Variants in SFI1 observed in about 807,000 individuals in gnomAD.
SFI1 encodes the protein SFI1 centrin binding protein.
A neutral mutation model predicts 207.5 loss-of-function variants in SFI1; 195 were observed. That is an observed-to-expected ratio of 0.94 (90% confidence interval 0.84 to 1.06). The LOEUF (loss-of-function observed/expected upper bound fraction) is 1.06, where lower values mean the gene tolerates loss of function less well. SFI1 is among the 50% of genes least tolerant of loss of function. The pLI is 0.00. For synonymous variants in SFI1, 630 were observed against 598.9 expected, an observed-to-expected ratio of 1.05 and a Z score of -0.76; for missense variants, 1,634 against 1,588.0, an observed-to-expected ratio of 1.03 and a Z score of -0.49.
At chr22:31,551,671 T>C (rs2060636507) in intron 6 of SFI1, among the ~76,000 whole-genome samples, 1 of 152,180 alleles carries the variant, frequency 6.6e-6, no homozygotes, top group African/African-American at 2.4e-5. Context: ...ACTAAAGCAA[T>C]CCACCTGCCT....
At chr22:31,513,692 C>T (rs1397499468) in intron 2 of SFI1, among the ~76,000 whole-genome samples, 2 of 152,038 alleles carry the variant, frequency 1.3e-5, no homozygotes, top group African/African-American at 2.4e-5. Context: ...ATTCTCCTGC[C>T]TCAGCCTCCT....
intron 8 of SFI1, among the ~76,000 whole-genome samples, chr22:31,566,808 A>G (rs1465132536): frequency 6.6e-6 from 1 of 152,066 alleles, no homozygotes; most frequent in Non-Finnish European, 1.5e-5. Context: ...AATCTCCTTT[A>G]TTCTTGTTTT....
intron 8 of SFI1, among the ~76,000 whole-genome samples, chr22:31,563,127 G>A (rs1218394044): frequency 6.6e-6 from 1 of 151,862 alleles, no homozygotes; most frequent in Non-Finnish European, 1.5e-5. Context: ...CCAAGTAGCT[G>A]GGACTCAGAC....
At chr22:31,588,842 A>T (rs924474408) in intron 14 of SFI1, among the ~76,000 whole-genome samples, 2 of 152,000 alleles carry the variant, frequency 1.3e-5, no homozygotes, top group Non-Finnish European at 2.9e-5. Context: ...CAACAAAAAA[A>T]ACAAAAACAT....
intron 8 of SFI1, among the ~76,000 whole-genome samples, chr22:31,571,424 C>T (rs924707141): frequency 6.6e-6 from 1 of 152,014 alleles, no homozygotes; most frequent in Non-Finnish European, 1.5e-5. Context: ...GCGATCCTCC[C>T]ACCTCAGCCT....
At chr22:31,521,541 A>G (rs970583867) in intron 2 of SFI1, 3 of 152,376 alleles carry the variant, frequency 2.0e-5, no homozygotes, top group African/African-American at 7.3e-5. Context: ...GCGGGAAACA[A>G]CCACCTTTGT....
chr22:31,550,001 G>A (rs186532910), intron 5 of SFI1, among the ~76,000 whole-genome samples: 38 of 151,690 alleles, frequency 2.5e-4, no homozygotes, highest in African/African-American at 8.7e-4. Context: ...ATGCGATCTC[G>A]GCTCACTGCA....
intron 7 of SFI1, chr22:31,559,865 CT>C: frequency 1.5e-6 from 1 of 673,504 alleles, no homozygotes; most frequent in Non-Finnish European, 2.8e-6. Context: ...CTTCTGGGGC[CT>C]TCGTGTCCGA....
intron 4 of SFI1, among the ~76,000 whole-genome samples, chr22:31,541,968 G>A (rs1239583969): frequency 6.6e-6 from 1 of 150,868 alleles, no homozygotes; most frequent in African/African-American, 2.4e-5. Context: ...GGGCATGGTG[G>A]TGGGTACCTG....
chr22:31,527,335 C>G (rs1420709462), intron 2 of SFI1, among the ~76,000 whole-genome samples: 1 of 152,166 alleles, frequency 6.6e-6, no homozygotes, highest in South Asian at 2.1e-4. Context: ...TAAACATATT[C>G]ATTTTAGCAT....
chr22:31,607,865 G>A (rs1351990081), intron 21 of SFI1, 72 bp from the exon 22 acceptor site: 36 of 1,407,432 alleles, frequency 2.6e-5, no homozygotes, highest in East Asian at 1.4e-4. Flanking sequence ...AGGAGCCACC[G>A]TCACAGACCT....
At chr22:31,514,507 C>CAAAAA (rs776120363) in intron 2 of SFI1, among the ~76,000 whole-genome samples, 1 of 48,980 alleles carries the variant, frequency 2.0e-5, no homozygotes, top group Non-Finnish European at 3.7e-5. Flanking sequence ...GACTCTGTCT[C>CAAAAA]AAAAAAAAAA....
intron 2 of SFI1, among the ~76,000 whole-genome samples, chr22:31,516,320 C>T (rs1037231805): frequency 2.6e-5 from 4 of 152,024 alleles, no homozygotes; most frequent in East Asian, 1.9e-4. Context: ...AGAGACAAGC[C>T]TGACCAACAT....
At chr22:31,593,077 G>C (rs1255919988) in intron 15 of SFI1, among the ~76,000 whole-genome samples, 9 of 139,468 alleles carry the variant, frequency 6.5e-5, no homozygotes, top group South Asian at 2.3e-4. Flanking sequence ...CTGGCCGGGC[G>C]GGGGGGCTGA....
At chr22:31,558,839 C>T (rs145205163) in intron 7 of SFI1, among the ~76,000 whole-genome samples, 103 of 151,434 alleles carry the variant, frequency 6.8e-4, no homozygotes, top group African/African-American at 2.5e-3. Context: ...TTATTTGAGA[C>T]AGAGTCTCAC....
intron 1 of SFI1, among the ~76,000 whole-genome samples, chr22:31,501,535 G>C (rs1282754284): frequency 6.6e-6 from 1 of 152,118 alleles, no homozygotes; most frequent in African/African-American, 2.4e-5. Flanking sequence ...TATGTGGTCT[G>C]CAGCTGAACT....
chr22:31,557,139 A>G, intron 7 of SFI1, 80 bp downstream of exon 7: 1 of 826,850 alleles, frequency 1.2e-6, no homozygotes, highest in Non-Finnish European at 1.9e-6. Context: ...AACAGCATAA[A>G]ACCTCACCTT....
chr22:31,537,075 G>C (rs1306275724), intron 4 of SFI1, among the ~76,000 whole-genome samples: 1 of 151,860 alleles, frequency 6.6e-6, no homozygotes, highest in African/African-American at 2.4e-5. Context: ...CCTGGAGATT[G>C]GCAGTTACTG....
intron 8 of SFI1, among the ~76,000 whole-genome samples, chr22:31,571,726 C>T (rs2062974741): frequency 6.6e-6 from 1 of 152,112 alleles, no homozygotes; most frequent in Non-Finnish European, 1.5e-5. Flanking sequence ...AAGTGTATAT[C>T]TCCTAAAAAG....
Sources: allele counts gnomAD v4.1 joint callset (sites outside exome capture counted in the v4.1 genomes callset), GRCh38; gene constraint gnomAD v4.1.1; transcripts MANE v1.5; gene names NCBI Gene and HGNC (gene_info 2026-07-23, HGNC 2026-07-21).